The following NPHP4 variants were observed in gnomAD, a reference collection of about 807,000 sequenced individuals.
The protein encoded by NPHP4 is nephrocystin 4.
NPHP4 carries 151 observed loss-of-function variants against 155.8 expected under a neutral mutation model. That is an observed-to-expected ratio of 0.97 (90% CI 0.85 to 1.11). The LOEUF (loss-of-function observed/expected upper bound fraction) is 1.11, where lower values mean the gene tolerates loss of function less well. Among genes scored for constraint, NPHP4 ranks in the 50% least tolerant of loss-of-function variants. NPHP4 has a pLI of 0.00. For synonymous variants in NPHP4, 845 were observed against 816.8 expected (o/e 1.03, Z -0.59); for missense variants, 1,956 against 1,925.7 (o/e 1.02, Z -0.29).
At chr1:5,967,524 C>A (rs1651753200) in intron 4 of NPHP4, among the ~76,000 whole-genome samples, 161 bp from the exon 5 acceptor site, 1 of 152,250 alleles carries the variant, frequency 6.6e-6, no homozygotes, top group African/African-American at 2.4e-5. Flanking sequence ...AGCAGCAGCT[C>A]CCCAAGCCGT....
At chr1:5,978,584 A>C (rs1366570555) in intron 2 of NPHP4, among the ~76,000 whole-genome samples, 171 bp from the exon 3 acceptor site, 1 of 151,988 alleles carries the variant, frequency 6.6e-6, no homozygotes. Flanking sequence ...TGGGGTTATA[A>C]ACCAAAGCAT....
chr1:5,880,046 CG>C (rs1643105781), intron 19 of NPHP4, 67 bp downstream of exon 19: 1 of 1,570,602 alleles, frequency 6.4e-7, no homozygotes, highest in Admixed American at 1.7e-5. Context: ...CACACACACA[CG>C]CAGTCTTCCA....
At chr1:5,943,086 T>C (rs750554687) in intron 9 of NPHP4, among the ~76,000 whole-genome samples, 3 of 152,130 alleles carry the variant, frequency 2.0e-5, no homozygotes, top group Admixed American at 6.5e-5. Flanking sequence ...TCAAATGAGG[T>C]TGCACTGTCC....
chr1:5,926,548 G>A (rs2101654314), intron 11 of NPHP4, among the ~76,000 whole-genome samples: 1 of 152,128 alleles, frequency 6.6e-6, no homozygotes, highest in East Asian at 1.9e-4. Flanking sequence ...AATTTACATA[G>A]CATTTGCACT....
chr1:5,969,010 G>A (rs1484846553), intron 4 of NPHP4, 77 bp downstream of exon 4: 6 of 984,856 alleles, frequency 6.1e-6, no homozygotes, highest in Non-Finnish European at 9.1e-6. Flanking sequence ...CTGGTTGACA[G>A]AGTGAGAATC....
At chr1:5,988,860 G>A (rs951155589) in intron 1 of NPHP4, among the ~76,000 whole-genome samples, 4 of 152,178 alleles carry the variant, frequency 2.6e-5, no homozygotes, top group African/African-American at 7.2e-5. Flanking sequence ...CCAGCGTCCC[G>A]CCTCCACCCA....
intron 11 of NPHP4, among the ~76,000 whole-genome samples, chr1:5,924,625 G>A (rs1314144782): frequency 6.6e-6 from 1 of 152,102 alleles, no homozygotes; most frequent in Non-Finnish European, 1.5e-5. Flanking sequence ...ATAACTAGCT[G>A]CTCTTTTCCA....
chr1:5,956,532 C>A (rs970187515), intron 6 of NPHP4, among the ~76,000 whole-genome samples: 24 of 152,232 alleles, frequency 1.6e-4, no homozygotes. Flanking sequence ...GCCGGCTTGG[C>A]AGGCCACATC....
intron 11 of NPHP4, among the ~76,000 whole-genome samples, chr1:5,921,293 C>T (rs1232687019): frequency 6.6e-6 from 1 of 152,250 alleles, no homozygotes; most frequent in East Asian, 1.9e-4. Context: ...CCAGCAGCTG[C>T]TGTGATGCTG....
Position 5,867,034 on chromosome 1 carries a change from T to C in NPHP4, c.3554A>G (p.Asn1185Ser). Residue 1185 changes from asparagine to serine, a missense_variant, in exon 25 of 30, where the codon AAT (asparagine) becomes AGT (serine). Physicochemically the swap from Asn to Ser is conservative, Grantham distance 46. Transcript: ENST00000378156. This position sits in a 1 kb window ranked among gnomAD's most constrained non-coding sequence, Gnocchi z 4.1. The part of the protein sequence containing the change: ...SDPNVICETQ[N>S]VGPGEPRDIF... ...TGGGGCCACAACACAACCTACCACA[T>C]TCTGGGTCTCACAGATGACGTTCGG... 1 of 1,612,294 alleles carries C rather than the reference T, an allele frequency of 6.2e-7. No homozygotes were observed. Among genetic ancestry groups the C allele is most frequent in the Non-Finnish European group, 8.5e-7 (1 of 1,179,050 alleles).
In NPHP4 at chr1:5,983,575, C is replaced by T. The variant is rs59165122; in HGVS notation, c.135+2580G>A. Among the ~76,000 whole-genome samples, 1,007 of 152,270 alleles carry T rather than the reference C, an allele frequency of 6.6e-3. 5 individuals carry two copies. The highest frequency in any genetic ancestry group is 0.02 in the Middle Eastern group (6 of 294). ...CTTGTACCCTCTTCCCTCAGACATC[C>T]CCCATATGCCTCCTCCCTTTGCTGA... On this transcript the variant is annotated intron_variant, in intron 2 of 29. Coordinates refer to ENST00000378156, the MANE Select transcript of NPHP4 (RefSeq NM_015102.5).
rs184507281 is a variant in NPHP4, at chr1:5,920,704, A to G, written c.1441+6945T>C. ...GTTTATCTGCTTCTTATTGATTTGG[A>G]GGAGGTCTTTCTGTAATCCTTCTTT... On this transcript the variant is annotated intron_variant, in intron 11 of 29. Transcript: ENST00000378156. Among the ~76,000 whole-genome samples, 809 of 152,150 alleles carry G rather than the reference A, an allele frequency of 5.3e-3. 33 individuals carry two copies. The highest frequency in any genetic ancestry group is 0.049 in the Admixed American group (754 of 15,282).
At chr1:5,879,426 C>T (rs1321457936) in intron 19 of NPHP4, 1 of 446,914 alleles carries the variant, frequency 2.2e-6, no homozygotes, top group Non-Finnish European at 4.4e-6. Flanking sequence ...CTCTCCAAAC[C>T]AGGTCTTTCT....
Position 5,944,249 on chromosome 1 carries a change from T to C in NPHP4, c.1119+2855A>G, listed in dbSNP as rs944690421. On this transcript the variant is annotated intron_variant, in intron 9 of 29. Coordinates refer to ENST00000378156, the MANE Select transcript of NPHP4 (RefSeq NM_015102.5). The surrounding 1 kb of genome is among the most constrained non-coding windows in gnomAD (Gnocchi z 4.3). ...TTACAGCTTCCACCACGCAGGGTCC[T>C]CACCAAAGACAAGGAGGAGGACGCT... Among the ~76,000 whole-genome samples the C allele has an allele frequency of 4.6e-5, 7 of 152,122 alleles. No homozygotes were observed. Among genetic ancestry groups the C allele is most frequent in the Non-Finnish European group, 1.0e-4 (7 of 68,034 alleles).
chr1:5,877,578 G>T (rs970822454), intron 19 of NPHP4: 7 of 314,500 alleles, frequency 2.2e-5, no homozygotes, highest in African/African-American at 1.5e-4. Context: ...CCACCAGGGG[G>T]TTTTCTAGGG....
chr1:5,914,061 G>A (rs1464757456), intron 11 of NPHP4, among the ~76,000 whole-genome samples: 1 of 151,964 alleles, frequency 6.6e-6, no homozygotes, highest in Non-Finnish European at 1.5e-5. Context: ...GGCTGGGGCA[G>A]GAGGCGGCCT....
chr1:5,952,297 C>G (rs1344303906), intron 7 of NPHP4, among the ~76,000 whole-genome samples: 1 of 152,222 alleles, frequency 6.6e-6, no homozygotes, highest in Non-Finnish European at 1.5e-5. Flanking sequence ...ATGGGTTTCC[C>G]TATGCTCATC....
intron 11 of NPHP4, among the ~76,000 whole-genome samples, chr1:5,922,412 T>C (rs1645787185): frequency 6.6e-6 from 1 of 152,254 alleles, no homozygotes; most frequent in African/African-American, 2.4e-5. Context: ...TTTGTCCCAT[T>C]ATCTATTTAT....
Position 5,978,259 on chromosome 1 carries a change from C to G in NPHP4, c.279+11G>C. 1 of 1,601,014 alleles carries G rather than the reference C, an allele frequency of 6.2e-7. No homozygotes were observed. The highest frequency in any genetic ancestry group is 8.5e-7 in the Non-Finnish European group (1 of 1,174,018). The stretch of plus-strand genomic sequence containing the variant: ...CTTGGAGCAGCCCCTGCCACCATCA[C>G]CAGGGCCCACCTCATTAAAGACGAT... On this transcript the variant is annotated intron_variant, in intron 3 of 29. Coordinates refer to ENST00000378156, the MANE Select transcript of NPHP4 (RefSeq NM_015102.5).
Sources: allele counts gnomAD v4.1 joint callset (sites outside exome capture counted in the v4.1 genomes callset), GRCh38; gene constraint gnomAD v4.1.1; non-coding constraint Gnocchi (gnomAD v3.1); transcripts MANE v1.5; gene names NCBI Gene and HGNC (gene_info 2026-07-23, HGNC 2026-07-21).